The following SEMA3C variants were observed in gnomAD, a reference collection of about 807,000 sequenced individuals.
The protein encoded by SEMA3C is semaphorin 3C.
In SEMA3C, 47 loss-of-function variants were observed where a neutral mutation model predicts 89.4. The observed-to-expected ratio is 0.53, with a 90% CI of 0.42 to 0.67. The LOEUF (loss-of-function observed/expected upper bound fraction) is 0.67. Among genes scored for constraint, SEMA3C ranks in the 30% least tolerant of loss-of-function variants. SEMA3C has a pLI of 0.00. For missense variants in SEMA3C, 839 were observed against 929.1 expected (o/e 0.90, Z 1.26); for synonymous variants, 310 against 320.2 (o/e 0.97, Z 0.34).
chr7:80,905,523 C>T (rs1791993665), intron 2 of SEMA3C, among the ~76,000 whole-genome samples: 1 of 152,030 alleles, frequency 6.6e-6, no homozygotes, highest in African/African-American at 2.4e-5. Context: ...GTAAAGAAAA[C>T]AAAATCAGCA....
chr7:80,890,597 T>A (rs1256401197), intron 2 of SEMA3C, among the ~76,000 whole-genome samples: 1 of 152,132 alleles, frequency 6.6e-6, no homozygotes, highest in East Asian at 1.9e-4. Flanking sequence ...AATACACATG[T>A]TCAGTGGTGG....
chr7:80,756,271 C>A (rs1193927700), intron 15 of SEMA3C, among the ~76,000 whole-genome samples: 1 of 152,152 alleles, frequency 6.6e-6, no homozygotes, highest in African/African-American at 2.4e-5. Flanking sequence ...ATTTCTCTAA[C>A]CTCCCACATC....
intron 16 of SEMA3C, among the ~76,000 whole-genome samples, chr7:80,750,509 C>CACACAT (rs1787910499): frequency 6.9e-6 from 1 of 144,886 alleles, no homozygotes; most frequent in African/African-American, 2.6e-5. Context: ...CACATACACA[C>CACACAT]ACACACATTA....
chr7:80,755,600 G>A (rs1583846754), intron 15 of SEMA3C, among the ~76,000 whole-genome samples: 2 of 151,542 alleles, frequency 1.3e-5, no homozygotes, highest in African/African-American at 4.9e-5. Flanking sequence ...TAGTGCTTCA[G>A]CTTCCTTCAG....
chr7:80,920,836 C>T (rs1459431246), upstream of SEMA3C, among the ~76,000 whole-genome samples: 1 of 152,178 alleles, frequency 6.6e-6, no homozygotes, highest in Non-Finnish European at 1.5e-5. Context: ...ACTTCTGAAA[C>T]TGAGTAAGAT....
At chr7:80,763,335 T>TA (rs1315047207) in intron 13 of SEMA3C, among the ~76,000 whole-genome samples, 2 of 152,222 alleles carry the variant, frequency 1.3e-5, no homozygotes, top group Non-Finnish European at 2.9e-5. Flanking sequence ...CAATTATTTT[T>TA]ACCTCACCTC....
chr7:80,885,805 T>G (rs991971010), intron 2 of SEMA3C, among the ~76,000 whole-genome samples: 1 of 152,220 alleles, frequency 6.6e-6, no homozygotes, highest in East Asian at 1.9e-4. Context: ...CTATAAACTA[T>G]GTACATTCCA....
chr7:80,890,177 C>T (rs1464556206), intron 2 of SEMA3C, among the ~76,000 whole-genome samples: 1 of 152,094 alleles, frequency 6.6e-6, no homozygotes. Flanking sequence ...CTGTTGCTAT[C>T]ATTTTTTGAT....
intron 11 of SEMA3C, among the ~76,000 whole-genome samples, chr7:80,797,775 G>A (rs922252768): frequency 2.6e-5 from 4 of 152,228 alleles, no homozygotes; most frequent in Admixed American, 1.3e-4. Context: ...CAAGGCGGGC[G>A]GATCACGAGG....
intron 2 of SEMA3C, among the ~76,000 whole-genome samples, chr7:80,859,146 G>GT (rs1562909330): frequency 6.0e-5 from 9 of 150,630 alleles, no homozygotes; most frequent in East Asian, 3.9e-4. Flanking sequence ...AAAAAAGAAC[G>GT]GTGTGTGTGT....
At chr7:80,907,654 C>T (rs1456387389) in intron 2 of SEMA3C, among the ~76,000 whole-genome samples, 1 of 152,026 alleles carries the variant, frequency 6.6e-6, no homozygotes, top group Non-Finnish European at 1.5e-5. Flanking sequence ...CTATTAACTG[C>T]ATCATTAGTA....
chr7:80,866,127 G>A (rs1790921286), intron 2 of SEMA3C, among the ~76,000 whole-genome samples: 1 of 152,104 alleles, frequency 6.6e-6, no homozygotes, highest in Non-Finnish European at 1.5e-5. Context: ...AGTGTTTTCA[G>A]ATATGTGTTT....
intron 2 of SEMA3C, among the ~76,000 whole-genome samples, chr7:80,870,940 G>C (rs1377045387): frequency 1.3e-5 from 2 of 152,174 alleles, no homozygotes; most frequent in Non-Finnish European, 2.9e-5. Context: ...TGCCTTAAAG[G>C]AATGTGTATT....
intron 2 of SEMA3C, among the ~76,000 whole-genome samples, chr7:80,895,187 T>G (rs946176871): frequency 6.6e-6 from 1 of 152,176 alleles, no homozygotes; most frequent in Non-Finnish European, 1.5e-5. Flanking sequence ...CCTAAACTAG[T>G]CTTTACTAAT....
At chr7:80,800,014 G>A (rs1197371545) in intron 10 of SEMA3C, among the ~76,000 whole-genome samples, 6 of 151,242 alleles carry the variant, frequency 4.0e-5, no homozygotes, top group Admixed American at 1.3e-4. Flanking sequence ...TTAGCCAGGC[G>A]TGGTGGCGGG....
At chr7:80,824,795 T>G (rs1378651490) in intron 4 of SEMA3C, among the ~76,000 whole-genome samples, 1 of 152,162 alleles carries the variant, frequency 6.6e-6, no homozygotes, top group South Asian at 2.1e-4. Context: ...TATTTTATCT[T>G]AGAAATACAG....
chr7:80,847,513 T>G (rs906354721), intron 2 of SEMA3C, among the ~76,000 whole-genome samples: 1 of 152,196 alleles, frequency 6.6e-6, no homozygotes, highest in African/African-American at 2.4e-5. Context: ...TATTATGGAC[T>G]GGTAATTACT....
intron 4 of SEMA3C, among the ~76,000 whole-genome samples, chr7:80,818,985 T>C (rs915909421): frequency 6.6e-5 from 10 of 152,220 alleles, no homozygotes; most frequent in Non-Finnish European, 1.5e-4. Flanking sequence ...TCAAATTCTC[T>C]GGGCATCCTT....
intron 2 of SEMA3C, among the ~76,000 whole-genome samples, chr7:80,879,724 G>A (rs553738659): frequency 6.6e-6 from 1 of 152,158 alleles, no homozygotes; most frequent in Non-Finnish European, 1.5e-5. Flanking sequence ...TGATATATTA[G>A]CTTTTGTTGA....
Sources: allele counts gnomAD v4.1 joint callset (sites outside exome capture counted in the v4.1 genomes callset), GRCh38; gene constraint gnomAD v4.1.1; transcripts MANE v1.5; gene names NCBI Gene and HGNC (gene_info 2026-07-23, HGNC 2026-07-21).